ITPRID1: variants seen among roughly 807,000 people sequenced by gnomAD.
ITPRID1 encodes ITPR interacting domain containing 1.
ITPRID1 carries 96 observed loss-of-function variants against 95.4 expected under a neutral mutation model. The observed-to-expected ratio is 1.01, with a 90% confidence interval of 0.85 to 1.19. The LOEUF is 1.19. Among genes scored for constraint, ITPRID1 ranks in the 50% most tolerant of loss-of-function variants. The pLI, the probability that ITPRID1 is intolerant of heterozygous loss-of-function variation, is 0.00. For synonymous variants in ITPRID1, 510 were observed against 453.6 expected (o/e 1.12, Z -1.58); for missense variants, 1,339 against 1,252.9 (o/e 1.07, Z -1.04).
Position 31,643,515 on chromosome 7 carries a change from C to T in ITPRID1, c.2145C>T (p.Ser715=). ...CTGTAATGACCCAGATGTCCTCCAG[C>T]CTGGTGTCGGCTGCTCAGAGGGCTG... ...SRSVMTQMSS[S]LVSAAQRAVA... The change falls in exon 12 of 15, where the codon AGC becomes AGT. Residue 715 remains serine, a synonymous_variant. Transcript: ENST00000615280. 1.2e-6 allele frequency: 2 copies of T among 1,614,014 alleles called. No individual in the cohort carries two copies. Among genetic ancestry groups the T allele is most frequent in the Non-Finnish European group, 1.7e-6 (2 of 1,179,902 alleles).
chr7:31,602,399 T>C (rs2128160418), intron 10 of ITPRID1, among the ~76,000 whole-genome samples: 1 of 118,114 alleles, frequency 8.5e-6, no homozygotes, highest in African/African-American at 3.2e-5. Flanking sequence ...ATTTTGTGAC[T>C]TTTTTTTACC....
intron 10 of ITPRID1, among the ~76,000 whole-genome samples, chr7:31,599,747 G>T (rs1459251666): frequency 1.4e-5 from 2 of 146,444 alleles, no homozygotes; most frequent in Non-Finnish European, 3.0e-5. Context: ...TGTCGCCCAG[G>T]CTGGAGTGCA....
chr7:31,618,474 A>AG, intron 10 of ITPRID1, among the ~76,000 whole-genome samples: 1 of 152,154 alleles, frequency 6.6e-6, no homozygotes, highest in Admixed American at 6.5e-5. Flanking sequence ...TCAAGAAGGG[A>AG]AATATTTCTT....
rs558320948 is a variant in ITPRID1 at position 31,535,932 on chromosome 7, T to C, written c.-97-13494T>C. Reference sequence around the variant, plus strand: ...TAAGATTTTTCTATTTATCTTCCATTTTCAGAAGTTTGACTATGGTGTGAC... The same window carrying C: ...TAAGATTTTTCTATTTATCTTCCATCTTCAGAAGTTTGACTATGGTGTGAC... On this transcript the variant is annotated intron_variant, in intron 1 of 14. Coordinates refer to ENST00000615280, the MANE Select transcript of ITPRID1 (RefSeq NM_001257967.3). Among the ~76,000 whole-genome samples, 416 of 152,228 alleles carry C rather than the reference T, an allele frequency of 2.7e-3. 1 individual carries two copies. Among genetic ancestry groups the C allele is most frequent in the African/African-American group, 9.7e-3 (405 of 41,562 alleles).
At chr7:31,575,666 T>C (rs1363566077) in intron 8 of ITPRID1, among the ~76,000 whole-genome samples, 2 of 152,198 alleles carry the variant, frequency 1.3e-5, no homozygotes, top group Admixed American at 6.5e-5. Context: ...TTCTCTATAG[T>C]ACAGAGTTTG....
chr7:31,547,374 C>G (rs1199621923), intron 1 of ITPRID1, among the ~76,000 whole-genome samples: 3 of 152,162 alleles, frequency 2.0e-5, no homozygotes, highest in African/African-American at 7.2e-5. Flanking sequence ...GGGGAGGCCT[C>G]AGGAAACTTA....
chr7:31,616,469 T>G (rs150143140), intron 10 of ITPRID1, among the ~76,000 whole-genome samples: 1 of 152,094 alleles, frequency 6.6e-6, no homozygotes, highest in Non-Finnish European at 1.5e-5. Flanking sequence ...GTTAAAGTGA[T>G]GTATTAAGAT....
intron 10 of ITPRID1, 35 bp downstream of exon 10, chr7:31,583,226 G>T (rs1377429389): frequency 1.4e-6 from 2 of 1,425,302 alleles, no homozygotes; most frequent in South Asian, 2.4e-5. Context: ...TCTCATCAAT[G>T]GTCTTTCAGA....
At chr7:31,594,092 T>G (rs1022221706) in intron 10 of ITPRID1, among the ~76,000 whole-genome samples, 13 of 152,218 alleles carry the variant, frequency 8.5e-5, no homozygotes, top group Non-Finnish European at 1.5e-5. Context: ...ATTTTAACTG[T>G]ACCTTTTCTA....
downstream of ITPRID1, among the ~76,000 whole-genome samples, chr7:31,656,834 C>A (rs1017729241): frequency 2.6e-5 from 4 of 151,896 alleles, no homozygotes; most frequent in African/African-American, 9.7e-5. Context: ...ATGGTTTACT[C>A]TCCTAATTCT....
rs527555309 is a variant in ITPRID1, at chr7:31,629,145, A to G, written c.1229-13031A>G. On this transcript the variant is annotated intron_variant, in intron 10 of 14. Transcript: ENST00000615280. ...AAATATGAGTAAGCACTGGATCTAA[A>G]TTAAAATTTGTCATTGCACTCTTCC... Among the ~76,000 whole-genome samples, 7 of 152,338 alleles carry G rather than the reference A, an allele frequency of 4.6e-5. No individual in the cohort carries two copies. The East Asian group carries it at 1.3e-3, about 29-fold the overall frequency.
intron 1 of ITPRID1, among the ~76,000 whole-genome samples, chr7:31,523,966 A>G (rs1783347929): frequency 6.6e-6 from 1 of 152,206 alleles, no homozygotes; most frequent in African/African-American, 2.4e-5. Flanking sequence ...TTCTTGAACC[A>G]TTGAAGAGCT....
intron 10 of ITPRID1, among the ~76,000 whole-genome samples, chr7:31,627,569 G>A (rs1210653277): frequency 6.8e-6 from 1 of 147,126 alleles, no homozygotes; most frequent in Non-Finnish European, 1.5e-5. Flanking sequence ...GAGGCAGGAG[G>A]ATTGCTTGAG....
At chr7:31,587,628 G>C in intron 10 of ITPRID1, among the ~76,000 whole-genome samples, 1 of 150,648 alleles carries the variant, frequency 6.6e-6, no homozygotes, top group East Asian at 1.9e-4. Flanking sequence ...TCACAGAATT[G>C]GAAAAAACTA....
chr7:31,514,685 A>G (rs956641911), intron 1 of ITPRID1, among the ~76,000 whole-genome samples: 1 of 152,172 alleles, frequency 6.6e-6, no homozygotes, highest in African/African-American at 2.4e-5. Context: ...GCAAAATGCC[A>G]CAAGTCAGAA....
chr7:31,612,540 G>T (rs1786921305), intron 10 of ITPRID1, among the ~76,000 whole-genome samples: 1 of 152,052 alleles, frequency 6.6e-6, no homozygotes, highest in Non-Finnish European at 1.5e-5. Flanking sequence ...GACTTTCCTG[G>T]ACTAACTTTA....
At position 31,651,067 on chromosome 7, in the gene ITPRID1, A is replaced by G. The variant is rs1790899450; in HGVS notation, c.2584-75A>G. The G allele has an allele frequency of 2.6e-6, 4 of 1,510,378 alleles. No individual in the cohort carries two copies. The South Asian group carries it at 4.0e-5, about 15-fold the overall frequency. The allele number at this position is 1,510,378 out of a possible 1,614,324, so 93.6% of individuals were successfully genotyped here. Reference sequence around the variant, plus strand: ...GAAAAAAGGGATCCCAAATGGGAAGACAGGCTCCACCATGGTGAGCTCTTG... The same window carrying G: ...GAAAAAAGGGATCCCAAATGGGAAGGCAGGCTCCACCATGGTGAGCTCTTG... On this transcript the variant is annotated intron_variant, in intron 12 of 14. Coordinates refer to ENST00000615280, the MANE Select transcript of ITPRID1 (RefSeq NM_001257967.3).
intron 6 of ITPRID1, 125 bp downstream of exon 6, chr7:31,569,934 G>T: frequency 1.4e-6 from 1 of 690,262 alleles, no homozygotes; most frequent in Non-Finnish European, 2.3e-6. Context: ...AAAGGTAACT[G>T]GTTTAGTCAC....
At chr7:31,562,678 A>G (rs1342368986) in intron 5 of ITPRID1, among the ~76,000 whole-genome samples, 1 of 152,128 alleles carries the variant, frequency 6.6e-6, no homozygotes, top group Non-Finnish European at 1.5e-5. Flanking sequence ...CCAGAATGTC[A>G]CTCTAACTGT....
Sources: gnomAD v4.1 joint callset for allele counts (sites outside exome capture counted in the v4.1 genomes callset) on GRCh38, gnomAD v4.1.1 for gene constraint, MANE v1.5 for transcripts, NCBI Gene and HGNC (gene_info 2026-07-23, HGNC 2026-07-21) for gene names.